The following RASA2 variants were observed in gnomAD, a reference collection of about 807,000 sequenced individuals.
RASA2 encodes the protein RAS p21 protein activator 2, also known as ras GTPase-activating protein 2.
A neutral mutation model predicts 118.2 loss-of-function variants in RASA2; 155 were observed. The ratio of observed to expected loss-of-function variants is 1.31; its 90% CI spans 1.15 to 1.50. RASA2 has a LOEUF of 1.50. Among genes scored for constraint, RASA2 ranks in the 40% most tolerant of loss-of-function variants. The pLI is 0.00. For synonymous variants in RASA2, 353 were observed against 349.1 expected (o/e 1.01, Z -0.12); for missense variants, 1,016 against 1,009.6 (o/e 1.01, Z -0.09).
chr3:141,527,667 C>A (rs1206718589), intron 3 of RASA2, among the ~76,000 whole-genome samples: 1 of 151,892 alleles, frequency 6.6e-6, no homozygotes, highest in Non-Finnish European at 1.5e-5. Context: ...ATATCTTAAG[C>A]CATTCCTGGT....
intron 19 of RASA2, chr3:141,590,224 A>C: frequency 2.2e-6 from 1 of 454,476 alleles, no homozygotes; most frequent in African/African-American, 2.0e-5. Context: ...TGATATTTTC[A>C]GGGCTGCTTA....
intron 3 of RASA2, among the ~76,000 whole-genome samples, chr3:141,527,448 A>G (rs4683609): frequency 0.99 from 149,944 of 152,184 alleles, 73,873 homozygotes; most frequent in Middle Eastern, 1. Flanking sequence ...TAAAGGGAGG[A>G]TAATGGTTCT....
intron 19 of RASA2, among the ~76,000 whole-genome samples, chr3:141,588,722 T>C (rs1291095754): frequency 1.3e-5 from 2 of 152,188 alleles, no homozygotes; most frequent in African/African-American, 4.8e-5. Context: ...TAGAAAGATA[T>C]AAGAAACCAA....
At chr3:141,600,289 G>C in intron 19 of RASA2, 1 of 538,078 alleles carries the variant, frequency 1.9e-6, no homozygotes, top group Non-Finnish European at 3.8e-6. Context: ...CCCTTCTACT[G>C]CCTCACATTC....
At chr3:141,611,580 G>C (rs1345594448) in intron 23 of RASA2, among the ~76,000 whole-genome samples, 1 of 152,148 alleles carries the variant, frequency 6.6e-6, no homozygotes, top group African/African-American at 2.4e-5. Context: ...AGAAACGGAG[G>C]CTTAGGGAAG....
intron 1 of RASA2, among the ~76,000 whole-genome samples, chr3:141,506,915 C>CAAAAAA (rs59123792): frequency 3.3e-5 from 3 of 89,710 alleles, no homozygotes; most frequent in African/African-American, 4.3e-5. Context: ...GACCCTGTCT[C>CAAAAAA]AAAAAAAAAA....
intron 14 of RASA2, among the ~76,000 whole-genome samples, chr3:141,575,686 CACTAT>C (rs768876360): frequency 6.8e-6 from 1 of 148,076 alleles, no homozygotes; most frequent in Non-Finnish European, 1.5e-5. Flanking sequence ...TGCTGCCATT[CACTAT>C]ACTCTATACT....
At chr3:141,611,022 G>A (rs545557417) in intron 23 of RASA2, among the ~76,000 whole-genome samples, 3 of 152,214 alleles carry the variant, frequency 2.0e-5, no homozygotes, top group African/African-American at 4.8e-5. Context: ...GCAACAACTC[G>A]CATTTATTGG....
At chr3:141,569,941 A>G (rs1256369528) in intron 9 of RASA2, among the ~76,000 whole-genome samples, 3 of 152,176 alleles carry the variant, frequency 2.0e-5, no homozygotes, top group African/African-American at 7.2e-5. Flanking sequence ...AGCAGCATCC[A>G]TGTTAGTGCA....
At chr3:141,501,247 G>T (rs773879006) in intron 1 of RASA2, among the ~76,000 whole-genome samples, 9 of 152,120 alleles carry the variant, frequency 5.9e-5, no homozygotes, top group Non-Finnish European at 1.2e-4. Context: ...TCCTATAATA[G>T]AAATCCATTG....
chr3:141,602,285 G>T lies in RASA2; in HGVS notation c.1934-5393G>T, dbSNP rs182146799. On this transcript the variant is annotated intron_variant, in intron 19 of 23. Coordinates refer to ENST00000286364, the MANE Select transcript of RASA2 (RefSeq NM_006506.5). ...GAAGACAATTTTTCCACGGACTGGT[G>T]GGGGGTCATGTATTTGGGATGAAAT... 1.2e-4 allele frequency among the ~76,000 whole-genome samples: 18 copies of T among 152,182 alleles called. No homozygotes were observed. In the South Asian group the frequency reaches 3.6e-3, roughly 30 times the overall value.
intron 3 of RASA2, among the ~76,000 whole-genome samples, chr3:141,528,306 A>T (rs1472380792): frequency 1.3e-5 from 2 of 152,006 alleles, no homozygotes; most frequent in Non-Finnish European, 2.9e-5. Context: ...ATGTGGTTAC[A>T]TTCTAAAAAT....
intron 9 of RASA2, among the ~76,000 whole-genome samples, chr3:141,569,364 T>C (rs776325018): frequency 1.3e-5 from 2 of 152,182 alleles, no homozygotes; most frequent in East Asian, 1.9e-4. Context: ...TAGAAAGATA[T>C]ATTTTGGCTA....
intron 19 of RASA2, among the ~76,000 whole-genome samples, chr3:141,588,478 T>G (rs569586653): frequency 7.7e-4 from 117 of 152,232 alleles, no homozygotes; most frequent in Non-Finnish European, 1.6e-3. Flanking sequence ...ACAGAGGAAA[T>G]GGAGAGTCTG....
At chr3:141,580,286 A>G in intron 15 of RASA2, 82 bp from the exon 16 acceptor site, 6 of 1,016,706 alleles carry the variant, frequency 5.9e-6, no homozygotes, top group South Asian at 1.6e-5. Context: ...ACAGCAATGT[A>G]GTCCATTTAC....
At chr3:141,592,468 A>G (rs2083300757) in intron 19 of RASA2, among the ~76,000 whole-genome samples, 2 of 152,360 alleles carry the variant, frequency 1.3e-5, no homozygotes, top group African/African-American at 2.4e-5. Context: ...TTTTACTTTG[A>G]GTAAAATGGA....
At chr3:141,596,524 C>T (rs998137514) in intron 19 of RASA2, among the ~76,000 whole-genome samples, 4 of 152,048 alleles carry the variant, frequency 2.6e-5, no homozygotes, top group Middle Eastern at 3.4e-3. Context: ...CAAAAGAGGA[C>T]CATTAAGAAA....
chr3:141,585,802 CATAA>C (rs60749303), intron 17 of RASA2, among the ~76,000 whole-genome samples: 7 of 151,724 alleles, frequency 4.6e-5, no homozygotes, highest in African/African-American at 7.3e-5. Flanking sequence ...TCTGTCTCCA[CATAA>C]ATAAATAAAT....
chr3:141,513,148 C>T (rs1368530102), intron 2 of RASA2, among the ~76,000 whole-genome samples: 1 of 148,852 alleles, frequency 6.7e-6, no homozygotes, highest in Admixed American at 6.7e-5. Context: ...ATATTGAATG[C>T]CATGCCTTAT....
Sources: allele counts gnomAD v4.1 joint callset (sites outside exome capture counted in the v4.1 genomes callset), GRCh38; gene constraint gnomAD v4.1.1; transcripts MANE v1.5; gene names NCBI Gene and HGNC (gene_info 2026-07-23, HGNC 2026-07-21).